PRKCE: variants seen among roughly 807,000 people sequenced by gnomAD.
The protein encoded by PRKCE is protein kinase C epsilon type.
PRKCE carries 16 observed loss-of-function variants against 85.4 expected under a neutral mutation model. That is an observed-to-expected ratio of 0.19 (90% CI 0.13 to 0.28). The LOEUF is 0.28. Ranked by LOEUF, PRKCE falls within the 10% of genes least tolerant of loss-of-function variation. PRKCE has a pLI of 1.00. For synonymous variants in PRKCE, 388 were observed against 371.5 expected (o/e 1.04, Z -0.51); for missense variants, 573 against 975.2 (o/e 0.59, Z 5.49).
Position 46,027,973 on chromosome 2 carries a change from G to T in PRKCE, c.1437+17456G>T, listed in dbSNP as rs888492604. Reference sequence around the variant, plus strand: ...TTTTTTTTTTTTGAGATGGAGTCGGGCTCTGTGGCCCAGACTGGAGTGCAG... The same window carrying T: ...TTTTTTTTTTTTGAGATGGAGTCGGTCTCTGTGGCCCAGACTGGAGTGCAG... On this transcript the variant is annotated intron_variant, in intron 10 of 14. Coordinates refer to ENST00000306156, the MANE Select transcript of PRKCE (RefSeq NM_005400.3). 4.0e-5 allele frequency among the ~76,000 whole-genome samples: 6 copies of T among 151,852 alleles called. No homozygotes were observed. The South Asian group carries it at 1.3e-3, about 32-fold the overall frequency.
chr2:46,007,786 TG>T (rs1447810479), intron 9 of PRKCE, 125 bp downstream of exon 9: 1 of 1,127,152 alleles, frequency 8.9e-7, no homozygotes, highest in Non-Finnish European at 1.2e-6. Context: ...TTTCCTTTTT[TG>T]TAAGTGCAAA....
chr2:46,144,988 C>T (rs111450764), intron 11 of PRKCE, 105 bp from the exon 12 acceptor site: 11 of 1,519,944 alleles, frequency 7.2e-6, no homozygotes, highest in Non-Finnish European at 9.8e-6. Context: ...TCTTTCAGGA[C>T]TTTTTTGCTG....
At chr2:46,063,232 C>T (rs1667318230) in intron 10 of PRKCE, among the ~76,000 whole-genome samples, 1 of 151,778 alleles carries the variant, frequency 6.6e-6, no homozygotes, top group Non-Finnish European at 1.5e-5. Flanking sequence ...AGACAAAGGA[C>T]CTAAAATGCT....
intron 1 of PRKCE, among the ~76,000 whole-genome samples, chr2:45,692,772 A>G (rs997300594): frequency 1.3e-5 from 2 of 151,968 alleles, no homozygotes; most frequent in Non-Finnish European, 2.9e-5. Context: ...TCCACCCCAC[A>G]CTAAACACAC....
intron 6 of PRKCE, among the ~76,000 whole-genome samples, chr2:45,987,821 A>G (rs1703460291): frequency 6.6e-6 from 1 of 152,174 alleles, no homozygotes; most frequent in Non-Finnish European, 1.5e-5. Context: ...ATCTCTTTAG[A>G]TCCTTTCTCC....
chr2:46,020,719 G>A (rs1398908627), intron 10 of PRKCE, among the ~76,000 whole-genome samples: 2 of 152,240 alleles, frequency 1.3e-5, no homozygotes, highest in Non-Finnish European at 2.9e-5. Flanking sequence ...TCATTGATCA[G>A]GAGAATTTGC....
intron 2 of PRKCE, among the ~76,000 whole-genome samples, chr2:45,966,882 G>A (rs996204894): frequency 7.9e-5 from 12 of 152,170 alleles, no homozygotes; most frequent in African/African-American, 1.9e-4. Context: ...GGATGAGGCT[G>A]TCGCTCTTCC....
In PRKCE at chr2:46,135,746, C is replaced by CTTTTTTTTTTTTTTT. The variant is rs11417233; in HGVS notation, c.1593-9334_1593-9320dup. ...ACCTTGGGTTCAGAAACAAATTATG[C>CTTTTTTTTTTTTTTT]TTTTTTTTTTTTTTTTTTTTTTTTT... On this transcript the variant is annotated intron_variant, in intron 11 of 14. Transcript: ENST00000306156. Among the ~76,000 whole-genome samples, 188 of 20,668 alleles carry CTTTTTTTTTTTTTTT rather than the reference C, an allele frequency of 9.1e-3. 73 individuals are homozygous for CTTTTTTTTTTTTTTT. Among genetic ancestry groups the CTTTTTTTTTTTTTTT allele is most frequent in the African/African-American group, 0.032 (123 of 3,870 alleles). 13.6% of individuals were successfully genotyped at this position (20,668 alleles called of 152,430 possible). A position where few individuals can be genotyped will look rare whatever the true frequency, so the allele number is the denominator to read the frequency against.
At chr2:45,791,094 G>C (rs1204122172) in intron 1 of PRKCE, among the ~76,000 whole-genome samples, 1 of 152,242 alleles carries the variant, frequency 6.6e-6, no homozygotes, top group Non-Finnish European at 1.5e-5. Flanking sequence ...AGAAGGGAAG[G>C]TTTTGTGTAG....
chr2:46,085,736 GTTTTT>G lies in PRKCE; in HGVS notation c.1438-464_1438-460del, dbSNP rs1170933914. ...TCACTTAATTACATCTGCAAAATCCGTTTTTTTTTTTTGTTTTTGTTTTTTTTTTT... is the reference window on the plus strand; with the variant it reads ...TCACTTAATTACATCTGCAAAATCCGTTTTTTTGTTTTTGTTTTTTTTTTT... On this transcript the variant is annotated intron_variant, in intron 10 of 14. Transcript: ENST00000306156. Among the ~76,000 whole-genome samples, 6 of 104,574 alleles carry G rather than the reference GTTTTT, an allele frequency of 5.7e-5. 1 individual carries two copies. The highest frequency in any genetic ancestry group is 1.3e-4 in the African/African-American group (3 of 22,956). The allele number at this position is 104,574 out of a possible 152,430, so 68.6% of individuals were successfully genotyped here. A position where few individuals can be genotyped will look rare whatever the true frequency, so the allele number is the denominator to read the frequency against.
At chr2:45,961,788 C>T (rs913708098) in intron 2 of PRKCE, among the ~76,000 whole-genome samples, 4 of 152,102 alleles carry the variant, frequency 2.6e-5, no homozygotes, top group Admixed American at 1.3e-4. Context: ...CTCTGCCTCC[C>T]GGGTTCAAGC....
At chr2:46,079,289 G>T (rs1406933660) in intron 10 of PRKCE, among the ~76,000 whole-genome samples, 4 of 152,094 alleles carry the variant, frequency 2.6e-5, no homozygotes, top group Non-Finnish European at 5.9e-5. Context: ...GGGGTGCTAA[G>T]ATACAATCCA....
At chr2:45,941,745 C>G (rs746762008) in intron 2 of PRKCE, among the ~76,000 whole-genome samples, 3 of 152,128 alleles carry the variant, frequency 2.0e-5, no homozygotes, top group Non-Finnish European at 2.9e-5. Context: ...CTGGGAGGGA[C>G]TTGAAGTTAG....
At chr2:46,174,914 C>T (rs1679278365) in intron 14 of PRKCE, among the ~76,000 whole-genome samples, 1 of 151,998 alleles carries the variant, frequency 6.6e-6, no homozygotes, top group African/African-American at 2.4e-5. Context: ...TGGTCTCAAA[C>T]TCCTGGGCTC....
chr2:46,093,594 T>C (rs1430138248), intron 11 of PRKCE, among the ~76,000 whole-genome samples: 1 of 151,638 alleles, frequency 6.6e-6, no homozygotes, highest in Non-Finnish European at 1.5e-5. Flanking sequence ...AGTGTTACAA[T>C]GATAGCTCAC....
chr2:45,752,372 G>A (rs77521947), intron 1 of PRKCE, among the ~76,000 whole-genome samples: 2,483 of 152,292 alleles, frequency 0.016, 41 homozygotes, highest in Middle Eastern at 0.044. Flanking sequence ...TTCAGGGTCT[G>A]TACCCTCAAC....
chr2:45,917,573 C>A (rs1052753809), intron 2 of PRKCE, among the ~76,000 whole-genome samples: 1 of 152,220 alleles, frequency 6.6e-6, no homozygotes, highest in Non-Finnish European at 1.5e-5. Flanking sequence ...AGGTTCTCCA[C>A]GTCCCCACCA....
intron 11 of PRKCE, among the ~76,000 whole-genome samples, chr2:46,135,320 AT>A (rs991631178): frequency 6.6e-6 from 1 of 152,148 alleles, no homozygotes; most frequent in African/African-American, 2.4e-5. Flanking sequence ...CACGATGTAT[AT>A]TTTTTTCTCC....
intron 10 of PRKCE, among the ~76,000 whole-genome samples, chr2:46,083,957 C>T (rs1249113789): frequency 6.6e-6 from 1 of 152,202 alleles, no homozygotes; most frequent in Admixed American, 6.5e-5. Flanking sequence ...TGGGAATCAC[C>T]TGAGGAGCTT....
Sources: allele counts gnomAD v4.1 joint callset (sites outside exome capture counted in the v4.1 genomes callset), GRCh38; gene constraint gnomAD v4.1.1; transcripts MANE v1.5; gene names NCBI Gene and HGNC (gene_info 2026-07-23, HGNC 2026-07-21).